TMEM132C: variants seen among roughly 807,000 people sequenced by gnomAD.
TMEM132C encodes transmembrane protein 132C, also known as protein phosphatase 1, regulatory subunit 152.
In TMEM132C, 29 loss-of-function variants were observed where a neutral mutation model predicts 61.4. That is an observed-to-expected ratio of 0.47 (90% CI 0.35 to 0.64). The LOEUF (loss-of-function observed/expected upper bound fraction) is 0.64, where lower values mean the gene tolerates loss of function less well. TMEM132C is among the 30% of genes least tolerant of loss of function. The pLI, the probability that TMEM132C is intolerant of heterozygous loss-of-function variation, is 0.00. For missense variants in TMEM132C, 1,408 were observed against 1,476.9 expected, an observed-to-expected ratio of 0.95 and a Z score of 0.76; for synonymous variants, 656 against 633.1, an observed-to-expected ratio of 1.04 and a Z score of -0.54.
At chr12:128,325,026 C>T (rs530983857) in intron 1 of TMEM132C, among the ~76,000 whole-genome samples, 4 of 151,964 alleles carry the variant, frequency 2.6e-5, no homozygotes, top group Non-Finnish European at 5.9e-5. Flanking sequence ...TATATAAATT[C>T]CTAAAAGTAG....
intron 4 of TMEM132C, among the ~76,000 whole-genome samples, chr12:128,632,976 A>G (rs1954075146): frequency 6.6e-6 from 1 of 152,190 alleles, no homozygotes; most frequent in South Asian, 2.1e-4. Flanking sequence ...CCTGAGACAC[A>G]GTGGCTTAAA....
At chr12:128,542,339 T>A (rs765258187) in intron 2 of TMEM132C, among the ~76,000 whole-genome samples, 63 of 152,160 alleles carry the variant, frequency 4.1e-4, no homozygotes, top group Non-Finnish European at 6.9e-4. Context: ...GGAGCCTTGC[T>A]CTGTTGCCCA....
chr12:128,516,556 A>G (rs1872725015), intron 2 of TMEM132C, among the ~76,000 whole-genome samples: 1 of 151,566 alleles, frequency 6.6e-6, no homozygotes, highest in Admixed American at 6.6e-5. Flanking sequence ...GGGTGCTGTC[A>G]CAACTTTTAC....
rs533933946 is a variant in TMEM132C, at chr12:128,478,449, A to G, written c.974+62829A>G. 1.3e-4 allele frequency among the ~76,000 whole-genome samples: 20 copies of G among 152,270 alleles called. No individual in the cohort carries two copies. In the Middle Eastern group the frequency reaches 0.01, roughly 78 times the overall value. ...TCAGGGTGGCCTCCTTTCAGGGAGG[A>G]ATTCCTTCCCTGTGAGTTGGCCCAA... On this transcript the variant is annotated intron_variant, in intron 2 of 8. Transcript: ENST00000435159.
intron 1 of TMEM132C, among the ~76,000 whole-genome samples, chr12:128,302,464 C>T (rs1364441932): frequency 6.6e-6 from 1 of 152,178 alleles, no homozygotes; most frequent in Non-Finnish European, 1.5e-5. Flanking sequence ...CTCTGAAATG[C>T]CACTAAATGG....
chr12:128,271,929 A>G (rs1334841668), intron 1 of TMEM132C, among the ~76,000 whole-genome samples: 1 of 152,256 alleles, frequency 6.6e-6, no homozygotes, highest in Non-Finnish European at 1.5e-5. Context: ...TGTCTTTGGT[A>G]TATTAATTGA....
chr12:128,458,710 A>C (rs375220956), intron 2 of TMEM132C, among the ~76,000 whole-genome samples: 113 of 152,292 alleles, frequency 7.4e-4, no homozygotes, highest in African/African-American at 2.7e-3. Flanking sequence ...GCCAGTTTCC[A>C]TGGTGTACAT....
chr12:128,601,845 C>G (rs867322936), intron 3 of TMEM132C, among the ~76,000 whole-genome samples: 15 of 152,126 alleles, frequency 9.9e-5, no homozygotes, highest in African/African-American at 3.4e-4. Flanking sequence ...CATTGCAGAT[C>G]CTGAGGCCAG....
Position 128,668,549 on chromosome 12 carries a change from C to T in TMEM132C, c.1306-868C>T, listed in dbSNP as rs1954500615. On this transcript the variant is annotated intron_variant, in intron 4 of 8. Transcript: ENST00000435159. The stretch of plus-strand genomic sequence containing the variant: ...GATCTGGACTTTGCAAAACCTTCTT[C>T]AGCTCTTCTTTTGTTGCTGGGAGCA... Among the ~76,000 whole-genome samples, 3 of 152,320 alleles carry T rather than the reference C, an allele frequency of 2.0e-5. No homozygotes were observed. In the South Asian group the frequency reaches 6.2e-4, roughly 32 times the overall value.
At chr12:128,584,676 C>T (rs531003591) in intron 3 of TMEM132C, among the ~76,000 whole-genome samples, 2 of 152,236 alleles carry the variant, frequency 1.3e-5, no homozygotes, top group African/African-American at 4.8e-5. Flanking sequence ...GGTGCTCACA[C>T]TGATCCATGT....
At chr12:128,435,612 G>A (rs1869562859) in intron 2 of TMEM132C, among the ~76,000 whole-genome samples, 1 of 152,116 alleles carries the variant, frequency 6.6e-6, no homozygotes, top group African/African-American at 2.4e-5. Context: ...CCTCTTCAAG[G>A]AGAACTACAA....
At chr12:128,474,774 T>C (rs1871100703) in intron 2 of TMEM132C, among the ~76,000 whole-genome samples, 1 of 152,160 alleles carries the variant, frequency 6.6e-6, no homozygotes, top group African/African-American at 2.4e-5. Flanking sequence ...CTTTGAGCAG[T>C]GGTCTGTTGA....
chr12:128,673,328 G>A (rs955452), intron 5 of TMEM132C, among the ~76,000 whole-genome samples: 99,934 of 152,190 alleles, frequency 0.66, 37,887 homozygotes, highest in South Asian at 0.87. Context: ...GCAGCAGTCC[G>A]CAAGCCAGGA....
chr12:128,616,908 C>T lies in TMEM132C; in HGVS notation c.1305+573C>T, dbSNP rs76714720. 9.5e-3 allele frequency among the ~76,000 whole-genome samples: 1,453 copies of T among 152,218 alleles called. 25 individuals carry two copies. Among genetic ancestry groups the T allele is most frequent in the African/African-American group, 0.033 (1,369 of 41,530 alleles). On this transcript the variant is annotated intron_variant, in intron 4 of 8. Coordinates refer to ENST00000435159, the MANE Select transcript of TMEM132C (RefSeq NM_001136103.3). ...TGTTAGTAGTGTACACTGATGAGAA[C>T]GTGTAAGCAAACATGCTACTTGTGT...
intron 5 of TMEM132C, 126 bp downstream of exon 5, chr12:128,669,686 TC>T: frequency 8.6e-7 from 1 of 1,167,226 alleles, no homozygotes; most frequent in Non-Finnish European, 1.2e-6. Flanking sequence ...GCAACACACT[TC>T]CAGCTGATCC....
rs145956425 is a variant in TMEM132C at position 128,403,587 on chromosome 12, T to G, written c.86-11145T>G. Among the ~76,000 whole-genome samples, 495 of 152,292 alleles carry G rather than the reference T, an allele frequency of 3.3e-3. 4 individuals carry two copies. Among genetic ancestry groups the G allele is most frequent in the African/African-American group, 0.012 (484 of 41,546 alleles). On this transcript the variant is annotated intron_variant, in intron 1 of 8. Coordinates refer to ENST00000435159, the MANE Select transcript of TMEM132C (RefSeq NM_001136103.3). ...TGATTATGATAATAGCAACAACAAT[T>G]CCCAATTGTTAAGCATGCTGAGTGC...
rs184638519 is a variant in TMEM132C, at chr12:128,417,340, A to G, written c.974+1720A>G. Among the ~76,000 whole-genome samples, 432 of 152,272 alleles carry G rather than the reference A, an allele frequency of 2.8e-3. 1 individual carries two copies. Among genetic ancestry groups the G allele is most frequent in the African/African-American group, 9.8e-3 (406 of 41,562 alleles). On this transcript the variant is annotated intron_variant, in intron 2 of 8. Transcript: ENST00000435159. Reference sequence around the variant, plus strand: ...TCCCTCTTCAGAAAATGTAGTCTCTAGCGTCTACCAGGGTGAGCATGAGCC... The same window carrying G: ...TCCCTCTTCAGAAAATGTAGTCTCTGGCGTCTACCAGGGTGAGCATGAGCC...
intron 1 of TMEM132C, among the ~76,000 whole-genome samples, chr12:128,393,809 G>A (rs1593037482): frequency 6.6e-6 from 1 of 152,154 alleles, no homozygotes; most frequent in Non-Finnish European, 1.5e-5. Flanking sequence ...AAAAAGAAAG[G>A]GCGAATGGGC....
chr12:128,514,534 G>A (rs555007987), intron 2 of TMEM132C, among the ~76,000 whole-genome samples: 4 of 152,100 alleles, frequency 2.6e-5, no homozygotes, highest in African/African-American at 9.6e-5. Flanking sequence ...GGCGGGGTGC[G>A]GGGGCGACGC....
Sources: gnomAD v4.1 joint callset for allele counts (sites outside exome capture counted in the v4.1 genomes callset) on GRCh38, gnomAD v4.1.1 for gene constraint, MANE v1.5 for transcripts, NCBI Gene and HGNC (gene_info 2026-07-23, HGNC 2026-07-21) for gene names.